The following MBTD1 variants were observed in gnomAD, a reference collection of about 807,000 sequenced individuals.
The protein encoded by MBTD1 is mbt domain containing 1.
A neutral mutation model predicts 87.8 loss-of-function variants in MBTD1; 24 were observed. That is an observed-to-expected ratio of 0.27 (90% CI 0.20 to 0.38). The LOEUF is 0.38. MBTD1 is among the 10% of genes least tolerant of loss of function. MBTD1 has a pLI of 1.00. For synonymous variants in MBTD1, 237 were observed against 248.6 expected (o/e 0.95, Z 0.44); for missense variants, 436 against 760.2 (o/e 0.57, Z 5.02).
At chr17:51,190,270 A>G (rs2050731781) in intron 16 of MBTD1, among the ~76,000 whole-genome samples, 2 of 152,152 alleles carry the variant, frequency 1.3e-5, no homozygotes, top group South Asian at 4.1e-4. Flanking sequence ...CATTTTTTAA[A>G]TAGCTTGCTT....
At chr17:51,182,022 G>A (rs564327627) in intron 16 of MBTD1, among the ~76,000 whole-genome samples, 9 of 152,112 alleles carry the variant, frequency 5.9e-5, no homozygotes, top group Admixed American at 6.5e-5. Flanking sequence ...ATCTAGTCCC[G>A]TGTTGAGCAA....
intron 6 of MBTD1, among the ~76,000 whole-genome samples, chr17:51,212,144 G>A (rs987036486): frequency 6.6e-6 from 1 of 152,124 alleles, no homozygotes; most frequent in East Asian, 1.9e-4. Flanking sequence ...CAGATCACGA[G>A]GTCAGGAGTT....
intron 16 of MBTD1, among the ~76,000 whole-genome samples, chr17:51,181,167 C>T (rs1467400533): frequency 6.6e-6 from 1 of 151,950 alleles, no homozygotes; most frequent in African/African-American, 2.4e-5. Context: ...GGTGGGACTA[C>T]AGGCACCCAC....
chr17:51,180,544 CT>C lies in MBTD1; in HGVS notation c.*31del. The C allele has an allele frequency of 1.7e-6, 2 of 1,189,674 alleles. No homozygotes were observed. Among genetic ancestry groups the C allele is most frequent in the Non-Finnish European group, 2.4e-6 (2 of 822,218 alleles). The allele number at this position is 1,189,674 out of a possible 1,614,324, so 73.7% of individuals were successfully genotyped here. On this transcript the variant is annotated 3_prime_UTR_variant, in exon 17 of 17. Coordinates refer to ENST00000586178, the MANE Select transcript of MBTD1 (RefSeq NM_017643.3). ...TTATAAATCAGTCCTGTGTAAAATC[CT>C]TCCCCACCCGCCCTCAGTTTCTAAG... is the stretch of plus-strand genomic sequence containing the variant.
chr17:51,251,047 CTTAATT>C lies in MBTD1; in HGVS notation c.-49+8090_-49+8095del, dbSNP rs557336475. 581 of 152,098 alleles carry C rather than the reference CTTAATT, an allele frequency of 3.8e-3. 3 individuals are homozygous for C. Among genetic ancestry groups the C allele is most frequent in the African/African-American group, 0.013 (556 of 41,488 alleles). 9.4% of individuals were successfully genotyped at this position (152,098 alleles called of 1,614,324 possible). On this transcript the variant is annotated intron_variant, in intron 2 of 16. Transcript: ENST00000586178. The stretch of plus-strand genomic sequence containing the variant: ...TCTTTGTATTTGTTTCAGAATATTT[CTTAATT>C]TTATTTTTCAAATCTCCAAACATTG...
At chr17:51,189,002 C>T (rs576988322) in intron 16 of MBTD1, among the ~76,000 whole-genome samples, 1 of 152,226 alleles carries the variant, frequency 6.6e-6, no homozygotes, top group South Asian at 2.1e-4. Flanking sequence ...AGGTGATCCG[C>T]CTGCCTCGGC....
At chr17:51,218,885 A>C (rs773251117) in intron 5 of MBTD1, 45 bp downstream of exon 5, 140 of 1,106,848 alleles carry the variant, frequency 1.3e-4, no homozygotes, top group Non-Finnish European at 5.4e-6. Flanking sequence ...AAACTAAATG[A>C]ATCAATGTCA....
At chr17:51,214,288 A>G (rs1055239368) in intron 6 of MBTD1, among the ~76,000 whole-genome samples, 15 of 152,072 alleles carry the variant, frequency 9.9e-5, no homozygotes, top group African/African-American at 3.6e-4. Context: ...ATTAAATGTC[A>G]ATTGGGGCTT....
At chr17:51,243,433 C>T (rs187183050) in intron 2 of MBTD1, among the ~76,000 whole-genome samples, 175 of 152,230 alleles carry the variant, frequency 1.1e-3, no homozygotes, top group African/African-American at 4.0e-3. Context: ...TCTCTAAACA[C>T]ATAGATTTTC....
At chr17:51,246,743 C>A (rs2054459796) in intron 2 of MBTD1, among the ~76,000 whole-genome samples, 1 of 152,164 alleles carries the variant, frequency 6.6e-6, no homozygotes, top group Non-Finnish European at 1.5e-5. Flanking sequence ...TCAAGCAATT[C>A]TCCCACCTTA....
intron 2 of MBTD1, among the ~76,000 whole-genome samples, chr17:51,242,275 A>G (rs761283863): frequency 6.6e-6 from 1 of 152,194 alleles, no homozygotes; most frequent in African/African-American, 2.4e-5. Context: ...TTAAATCCCC[A>G]ACTCCAAGCC....
intron 6 of MBTD1, among the ~76,000 whole-genome samples, chr17:51,210,011 C>CT (rs71355734): frequency 3.3e-5 from 5 of 151,676 alleles, no homozygotes; most frequent in African/African-American, 7.3e-5. Context: ...GTCCACTCAC[C>CT]TTTTTTTTGA....
At chr17:51,214,382 C>T (rs1568187701) in intron 6 of MBTD1, among the ~76,000 whole-genome samples, 1 of 152,078 alleles carries the variant, frequency 6.6e-6, no homozygotes, top group African/African-American at 2.4e-5. Context: ...TAAATAGTTA[C>T]AGGAATTATC....
In MBTD1 at chr17:51,180,294, CTT is replaced by C. The variant is rs1200655856; in HGVS notation, c.*280_*281del. ...TACCAAAAAAGTTAGAATTTCAGTT[CTT>C]GTTAACAATGCACATAAATCCAAAC... On this transcript the variant is annotated 3_prime_UTR_variant, in exon 17 of 17. Coordinates refer to ENST00000586178, the MANE Select transcript of MBTD1 (RefSeq NM_017643.3). 1.0e-5 allele frequency: 3 copies of C among 287,912 alleles called. No individual in the cohort carries two copies. Among genetic ancestry groups the C allele is most frequent in the East Asian group, 1.7e-4 (2 of 12,042 alleles). 17.8% of individuals were successfully genotyped at this position (287,912 alleles called of 1,614,324 possible). A position where few individuals can be genotyped will look rare whatever the true frequency, so the allele number is the denominator to read the frequency against.
In MBTD1 at chr17:51,178,993, A is replaced by G. The variant is rs914074831; in HGVS notation, c.*1583T>C. ...TGCTATTATTCCCAAAAGTAGAGCA[A>G]TATTTTAGAAAATAAATTGCTGGTT... is the stretch of plus-strand genomic sequence containing the variant. On this transcript the variant is annotated 3_prime_UTR_variant, in exon 17 of 17. Coordinates refer to ENST00000586178, the MANE Select transcript of MBTD1 (RefSeq NM_017643.3). 6.6e-6 allele frequency: 1 copy of G among 152,212 alleles called. No homozygotes were observed. The highest frequency in any genetic ancestry group is 1.5e-5 in the Non-Finnish European group (1 of 68,046). The allele number at this position is 152,212 out of a possible 1,614,324, so 9.4% of individuals were successfully genotyped here.
In MBTD1 at chr17:51,259,873, G is replaced by T; in HGVS notation, c.-151C>A. The T allele has an allele frequency of 8.1e-7, 1 of 1,231,906 alleles. No homozygotes were observed. The highest frequency in any genetic ancestry group is 1.0e-6 in the Non-Finnish European group (1 of 987,896). The allele number at this position is 1,231,906 out of a possible 1,614,324, so 76.3% of individuals were successfully genotyped here. A position where few individuals can be genotyped will look rare whatever the true frequency, so the allele number is the denominator to read the frequency against. On this transcript the variant is annotated 5_prime_UTR_variant, in exon 1 of 17. Coordinates refer to ENST00000586178, the MANE Select transcript of MBTD1 (RefSeq NM_017643.3). ...TTTTCCATCAGGGCCTCATGGGTAG[G>T]GGTTGTCCGTGCTCCCCGAGCCCGC...
In MBTD1 at chr17:51,192,187, C is replaced by G; in HGVS notation, c.1768+16G>C. 1 of 1,534,168 alleles carries G rather than the reference C, an allele frequency of 6.5e-7. No individual in the cohort carries two copies. On this transcript the variant is annotated intron_variant, in intron 16 of 16. Coordinates refer to ENST00000586178, the MANE Select transcript of MBTD1 (RefSeq NM_017643.3). ...AACAATTAGAAAATGTATGTGAACACCACGTGGTGACCCACTTTTCTTATG... is the reference window on the plus strand; with the variant it reads ...AACAATTAGAAAATGTATGTGAACAGCACGTGGTGACCCACTTTTCTTATG...
intron 2 of MBTD1, among the ~76,000 whole-genome samples, chr17:51,234,771 G>A (rs1275225799): frequency 3.3e-5 from 5 of 152,146 alleles, no homozygotes; most frequent in African/African-American, 9.7e-5. Flanking sequence ...TCGGCTCACC[G>A]CAACCTCCGC....
intron 2 of MBTD1, among the ~76,000 whole-genome samples, chr17:51,243,319 G>A (rs1462847121): frequency 2.0e-5 from 3 of 150,802 alleles, no homozygotes; most frequent in Admixed American, 2.0e-4. Flanking sequence ...TCTCTATTTG[G>A]AAGTAACTTT....
Sources: gnomAD v4.1 joint callset for allele counts (sites outside exome capture counted in the v4.1 genomes callset) on GRCh38, gnomAD v4.1.1 for gene constraint, MANE v1.5 for transcripts, NCBI Gene and HGNC (gene_info 2026-07-23, HGNC 2026-07-21) for gene names.